PARL: variants seen among roughly 807,000 people sequenced by gnomAD.
PARL encodes presenilin associated rhomboid like.
Under a neutral mutation model 51.6 loss-of-function variants are expected in PARL, and 44 were observed. The ratio of observed to expected loss-of-function variants is 0.85; its 90% confidence interval spans 0.67 to 1.10. PARL has a LOEUF of 1.10. Among genes scored for constraint, PARL ranks in the 50% least tolerant of loss-of-function variants. The pLI is 0.00. For missense variants in PARL, 441 were observed against 469.5 expected, an observed-to-expected ratio of 0.94 and a Z score of 0.56; for synonymous variants, 172 against 164.0, an observed-to-expected ratio of 1.05 and a Z score of -0.37.
rs150985761 is a variant in PARL, at chr3:183,839,509, G to A, written c.828+1061C>T. Among the ~76,000 whole-genome samples, 71 of 150,284 alleles carry A rather than the reference G, an allele frequency of 4.7e-4. 1 individual carries two copies. The highest frequency in any genetic ancestry group is 3.7e-3 in the Admixed American group (56 of 15,110). Reference sequence around the variant, plus strand: ...TCTCAGCTCACTGCAACCTCTACCCGCTGGGTTCAAGTAATTCTCCTGCCT... The same window carrying A: ...TCTCAGCTCACTGCAACCTCTACCCACTGGGTTCAAGTAATTCTCCTGCCT... On this transcript the variant is annotated intron_variant, in intron 7 of 9. Coordinates refer to ENST00000317096, the MANE Select transcript of PARL (RefSeq NM_018622.7).
At chr3:183,839,765 C>T (rs1397326616) in intron 7 of PARL, among the ~76,000 whole-genome samples, 1 of 145,566 alleles carries the variant, frequency 6.9e-6, no homozygotes, top group Admixed American at 6.8e-5. Flanking sequence ...TAGGGTCTTG[C>T]TATGTCACCC....
At chr3:183,856,148 G>A (rs902402214) in intron 4 of PARL, among the ~76,000 whole-genome samples, 6 of 152,146 alleles carry the variant, frequency 3.9e-5, no homozygotes, top group African/African-American at 1.4e-4. Context: ...CAGATGCACT[G>A]ATTTGGAAAG....
chr3:183,838,462 C>T (rs1475657340), intron 7 of PARL, among the ~76,000 whole-genome samples: 1 of 152,114 alleles, frequency 6.6e-6, no homozygotes, highest in East Asian at 1.9e-4. Context: ...GATTTAATTT[C>T]CTTGAATTTT....
At chr3:183,869,499 C>T (rs1174040044) in intron 1 of PARL, among the ~76,000 whole-genome samples, 3 of 152,056 alleles carry the variant, frequency 2.0e-5, no homozygotes, top group East Asian at 1.9e-4. Flanking sequence ...TGAGCCACTG[C>T]GCCTGGCTAT....
chr3:183,867,235 A>G (rs1176708344), intron 2 of PARL, among the ~76,000 whole-genome samples: 1 of 152,084 alleles, frequency 6.6e-6, no homozygotes, highest in Admixed American at 6.6e-5. Flanking sequence ...ATTGTTTCCC[A>G]TTGTATTAAC....
At chr3:183,839,460 C>G (rs1012447390) in intron 7 of PARL, among the ~76,000 whole-genome samples, 1 of 152,094 alleles carries the variant, frequency 6.6e-6, no homozygotes, top group Non-Finnish European at 1.5e-5. Context: ...GTTCTGTCAC[C>G]CAGGCTGGAG....
intron 1 of PARL, 83 bp downstream of exon 1, chr3:183,884,638 GC>G: frequency 7.2e-7 from 1 of 1,387,196 alleles, no homozygotes; most frequent in Non-Finnish European, 9.9e-7. Context: ...AGCACAAGAG[GC>G]CCAGACGGCC....
chr3:183,877,457 G>T (rs1308934532), intron 1 of PARL, among the ~76,000 whole-genome samples: 1 of 152,196 alleles, frequency 6.6e-6, no homozygotes, highest in African/African-American at 2.4e-5. Context: ...GGTTTGAGAG[G>T]ATTTACTCCT....
intron 7 of PARL, among the ~76,000 whole-genome samples, chr3:183,839,908 A>AT (rs34247298): frequency 6.6e-6 from 1 of 151,476 alleles, no homozygotes; most frequent in Non-Finnish European, 1.5e-5. Flanking sequence ...AATTTTTTAA[A>AT]TTTTTTTGTA....
At chr3:183,880,710 C>T (rs1177979422) in intron 1 of PARL, among the ~76,000 whole-genome samples, 19 of 150,846 alleles carry the variant, frequency 1.3e-4, no homozygotes, top group Admixed American at 1.3e-3. Context: ...CCAGCTCAGA[C>T]TTTTTTTTTA....
intron 4 of PARL, among the ~76,000 whole-genome samples, chr3:183,853,615 A>G (rs1236047495): frequency 6.6e-6 from 1 of 152,212 alleles, no homozygotes; most frequent in Non-Finnish European, 1.5e-5. Context: ...TAACTCGAGT[A>G]CTTGAAATAC....
At chr3:183,831,124 C>CGT (rs1412021625) in intron 9 of PARL, among the ~76,000 whole-genome samples, 4 of 152,090 alleles carry the variant, frequency 2.6e-5, no homozygotes, top group African/African-American at 9.7e-5. Flanking sequence ...TACAGGCATG[C>CGT]ACCACCACGC....
chr3:183,867,799 G>A, intron 2 of PARL, 66 bp downstream of exon 2: 1 of 1,187,848 alleles, frequency 8.4e-7, no homozygotes, highest in Non-Finnish European at 1.3e-6. Flanking sequence ...GAGCCCAAAT[G>A]GGACAAAGTA....
rs371236566 is a variant in PARL at position 183,829,558 on chromosome 3, C to T, written c.*40G>A. Reference sequence around the variant, plus strand: ...GCCGATGTCTCCTGGGGCTCTCAGGCGGCAAGGACCAGATGCACCACTACT... The same window carrying T: ...GCCGATGTCTCCTGGGGCTCTCAGGTGGCAAGGACCAGATGCACCACTACT... On this transcript the variant is annotated 3_prime_UTR_variant, in exon 10 of 10. Transcript: ENST00000317096. 186 of 1,614,132 alleles carry T rather than the reference C, an allele frequency of 1.2e-4. No homozygotes were observed. The African/African-American group carries it at 1.4e-3, about 12-fold the overall frequency.
downstream of PARL, among the ~76,000 whole-genome samples, chr3:183,827,467 A>G (rs1727504700): frequency 2.0e-5 from 3 of 152,030 alleles, no homozygotes; most frequent in African/African-American, 7.2e-5. Context: ...AAAGTTTTTC[A>G]CAGGTGACAA....
rs1734390177 is a variant in PARL at position 183,881,138 on chromosome 3, T to TC, written c.125+3583dup. Reference sequence around the variant, plus strand: ...CTTTGTGCATTTTTTTTTTTTTTTTTCAGATGAAGTCTTGCTCTTGTCCCC... The same window carrying TC: ...CTTTGTGCATTTTTTTTTTTTTTTTTCCAGATGAAGTCTTGCTCTTGTCCCC... On this transcript the variant is annotated intron_variant, in intron 1 of 9. Transcript: ENST00000317096. Among the ~76,000 whole-genome samples, 9 of 106,626 alleles carry TC rather than the reference T, an allele frequency of 8.4e-5. No individual in the cohort carries two copies. The South Asian group carries it at 2.6e-3, about 30-fold the overall frequency. The allele number at this position is 106,626 out of a possible 152,430, so 70.0% of individuals were successfully genotyped here. A position where few individuals can be genotyped will look rare whatever the true frequency, so the allele number is the denominator to read the frequency against.
intron 1 of PARL, among the ~76,000 whole-genome samples, chr3:183,881,881 T>C (rs1159661305): frequency 2.0e-5 from 3 of 152,222 alleles, no homozygotes; most frequent in Non-Finnish European, 2.9e-5. Flanking sequence ...ATATATACGA[T>C]TGACTAATAT....
rs75706567 is a variant in PARL, at chr3:183,834,550, G to A, written c.829-725C>T. Among the ~76,000 whole-genome samples the A allele has an allele frequency of 0.01, 1,523 of 152,282 alleles. 113 individuals are homozygous for A. The East Asian group carries it at 0.18, about 18-fold the overall frequency. On this transcript the variant is annotated intron_variant, in intron 7 of 9. Transcript: ENST00000317096. Reference sequence around the variant, plus strand: ...TTTGCAAACTAATTTATCTTTAGTAGAAGTAGGTAAGTTGTCGCCAGGGGT... The same window carrying A: ...TTTGCAAACTAATTTATCTTTAGTAAAAGTAGGTAAGTTGTCGCCAGGGGT...
chr3:183,848,751 C>T (rs1386108643), intron 4 of PARL, among the ~76,000 whole-genome samples: 2 of 152,118 alleles, frequency 1.3e-5, no homozygotes, highest in Non-Finnish European at 2.9e-5. Context: ...AAAACAATGA[C>T]AGGTAAGTGT....
Sources: gnomAD v4.1 joint callset for allele counts (sites outside exome capture counted in the v4.1 genomes callset) on GRCh38, gnomAD v4.1.1 for gene constraint, MANE v1.5 for transcripts, NCBI Gene and HGNC (gene_info 2026-07-23, HGNC 2026-07-21) for gene names.